Variants in NCAPH observed in about 807,000 individuals in gnomAD.
NCAPH encodes condensin complex subunit 2.
Under a neutral mutation model 85.5 loss-of-function variants are expected in NCAPH, and 38 were observed. The ratio of observed to expected loss-of-function variants is 0.44; its 90% confidence interval spans 0.34 to 0.58. The LOEUF is 0.58. Ranked by LOEUF, NCAPH falls within the 20% of genes least tolerant of loss-of-function variation. NCAPH has a pLI of 0.01. For synonymous variants in NCAPH, 301 were observed against 335.1 expected (o/e 0.90, Z 1.11); for missense variants, 789 against 916.6 (o/e 0.86, Z 1.80).
At chr2:96,370,914 G>A (rs1391013544) in intron 17 of NCAPH, among the ~76,000 whole-genome samples, 1 of 152,136 alleles carries the variant, frequency 6.6e-6, no homozygotes, top group Admixed American at 6.5e-5. Flanking sequence ...TGCTGTTGGG[G>A]GGCAGTAAGG....
intron 3 of NCAPH, among the ~76,000 whole-genome samples, 167 bp from the exon 4 acceptor site, chr2:96,342,589 A>T (rs1355677744): frequency 6.6e-6 from 1 of 152,188 alleles, no homozygotes; most frequent in Non-Finnish European, 1.5e-5. Flanking sequence ...GAACATGAGG[A>T]CATGCCTGTG....
intron 14 of NCAPH, among the ~76,000 whole-genome samples, chr2:96,366,394 C>G (rs1290540232): frequency 6.6e-6 from 1 of 152,206 alleles, no homozygotes; most frequent in Non-Finnish European, 1.5e-5. Context: ...AAATCTTGGC[C>G]AAATTCAGTT....
intron 7 of NCAPH, among the ~76,000 whole-genome samples, 188 bp from the exon 8 acceptor site, chr2:96,353,118 G>A (rs770337253): frequency 3.3e-5 from 5 of 152,184 alleles, no homozygotes; most frequent in Admixed American, 6.5e-5. Flanking sequence ...GCATCTGCTC[G>A]CTCCCAGAAG....
At chr2:96,354,491 T>TTC in intron 9 of NCAPH, 103 bp downstream of exon 9, 1 of 997,244 alleles carries the variant, frequency 1.0e-6, no homozygotes, top group Non-Finnish European at 1.3e-6. Flanking sequence ...TCTTTTTTTT[T>TTC]CCCCCCCCAA....
At chr2:96,367,425 G>T in intron 15 of NCAPH, 52 bp downstream of exon 15, 3 of 1,364,492 alleles carry the variant, frequency 2.2e-6, no homozygotes, top group Non-Finnish European at 3.1e-6. Flanking sequence ...GAGGGGAGTG[G>T]TTGATGTCTA....
intron 1 of NCAPH, among the ~76,000 whole-genome samples, chr2:96,339,991 C>T (rs552170862): frequency 1.3e-5 from 2 of 152,216 alleles, no homozygotes; most frequent in African/African-American, 2.4e-5. Flanking sequence ...GGCGCCATCT[C>T]GGCTCACTAC....
In NCAPH at chr2:96,373,690, C is replaced by G. The variant is rs1314949807; in HGVS notation, c.*339C>G. 2 of 183,758 alleles carry G rather than the reference C, an allele frequency of 1.1e-5. No homozygotes were observed. The highest frequency in any genetic ancestry group is 2.6e-4 in the East Asian group (2 of 7,666). The allele number at this position is 183,758 out of a possible 1,614,324, so 11.4% of individuals were successfully genotyped here. ...GTCTCCTAAATTGATCTGTTATTTT[C>G]CAAACTATTCTCTTGTAGAAAATTT... On this transcript the variant is annotated 3_prime_UTR_variant, in exon 18 of 18. Coordinates refer to ENST00000240423, the MANE Select transcript of NCAPH (RefSeq NM_015341.5).
chr2:96,365,168 A>C (rs892999878), intron 13 of NCAPH, among the ~76,000 whole-genome samples: 1 of 152,162 alleles, frequency 6.6e-6, no homozygotes, highest in South Asian at 2.1e-4. Context: ...TGGCTAATAC[A>C]GGTAACAGAA....
chr2:96,347,128 G>C (rs945668253), intron 6 of NCAPH, among the ~76,000 whole-genome samples: 1 of 152,090 alleles, frequency 6.6e-6, no homozygotes, highest in African/African-American at 2.4e-5. Flanking sequence ...AAATTGGGAG[G>C]GGGGATAGTT....
intron 9 of NCAPH, among the ~76,000 whole-genome samples, chr2:96,358,262 T>C (rs1364153374): frequency 6.6e-6 from 1 of 152,184 alleles, no homozygotes; most frequent in East Asian, 1.9e-4. Context: ...AACTAAATAA[T>C]TAGACAAACA....
At chr2:96,342,367 T>A (rs554351628) in intron 3 of NCAPH, among the ~76,000 whole-genome samples, 1 of 152,330 alleles carries the variant, frequency 6.6e-6, no homozygotes, top group South Asian at 2.1e-4. Flanking sequence ...GAGTTAATAG[T>A]AGAGTTCTGG....
chr2:96,344,354 A>G (rs1355008048), intron 6 of NCAPH, 125 bp downstream of exon 6: 6 of 1,046,670 alleles, frequency 5.7e-6, no homozygotes, highest in South Asian at 4.8e-5. Flanking sequence ...AAAATATTCA[A>G]CTGATATCTC....
At chr2:96,341,162 C>G (rs2064289320) in intron 1 of NCAPH, among the ~76,000 whole-genome samples, 1 of 152,068 alleles carries the variant, frequency 6.6e-6, no homozygotes, top group African/African-American at 2.4e-5. Context: ...TTGGAACATT[C>G]TATTTGTTTT....
chr2:96,337,358 CTT>C (rs985698098), intron 1 of NCAPH, among the ~76,000 whole-genome samples: 2 of 152,212 alleles, frequency 1.3e-5, no homozygotes, highest in African/African-American at 4.8e-5. Flanking sequence ...CATAAGTCCT[CTT>C]GATTCAGTTT....
At chr2:96,371,807 C>A (rs2064778192) in intron 17 of NCAPH, among the ~76,000 whole-genome samples, 1 of 152,212 alleles carries the variant, frequency 6.6e-6, no homozygotes, top group Non-Finnish European at 1.5e-5. Flanking sequence ...GAAATATTCT[C>A]AACGCTTCAC....
chr2:96,337,722 A>G (rs1474901157), intron 1 of NCAPH, among the ~76,000 whole-genome samples: 1 of 150,268 alleles, frequency 6.7e-6, no homozygotes, highest in Non-Finnish European at 1.5e-5. Context: ...CCGGCCTATT[A>G]TTTTTTAGAG....
intron 10 of NCAPH, among the ~76,000 whole-genome samples, chr2:96,359,821 G>T (rs12614623): frequency 6.6e-6 from 1 of 152,144 alleles, no homozygotes; most frequent in Non-Finnish European, 1.5e-5. Flanking sequence ...ATGGGATCCC[G>T]CTTTGTTGCC....
At chr2:96,359,782 C>A (rs990680536) in intron 10 of NCAPH, among the ~76,000 whole-genome samples, 2 of 152,168 alleles carry the variant, frequency 1.3e-5, no homozygotes, top group Non-Finnish European at 2.9e-5. Context: ...TGCCAGCATG[C>A]TCAGTTAATT....
At chr2:96,362,076 T>C (rs1044977902) in intron 12 of NCAPH, among the ~76,000 whole-genome samples, 2 of 151,864 alleles carry the variant, frequency 1.3e-5, no homozygotes, top group African/African-American at 2.4e-5. Flanking sequence ...AACCAAGATA[T>C]GTTTTTCTTT....
Sources: allele counts gnomAD v4.1 joint callset (sites outside exome capture counted in the v4.1 genomes callset), GRCh38; gene constraint gnomAD v4.1.1; transcripts MANE v1.5; gene names NCBI Gene and HGNC (gene_info 2026-07-23, HGNC 2026-07-21).